Variants in FMNL2 observed in about 807,000 individuals in gnomAD.
FMNL2 encodes formin like 2.
In FMNL2, 51 loss-of-function variants were observed where a neutral mutation model predicts 130.2. That is an observed-to-expected ratio of 0.39 (90% CI 0.31 to 0.49). The LOEUF (loss-of-function observed/expected upper bound fraction) is 0.49, where lower values mean the gene tolerates loss of function less well. Among genes scored for constraint, FMNL2 ranks in the 20% least tolerant of loss-of-function variants. The probability of loss-of-function intolerance (pLI) is 0.85; values close to 1 mark genes in which losing one functional copy is unlikely to be tolerated. For missense variants in FMNL2, 977 were observed against 1,316.2 expected (o/e 0.74, Z 3.99); for synonymous variants, 465 against 467.1 (o/e 1.00, Z 0.06).
rs777395923 is a variant in FMNL2, at chr2:152,581,088, T to C, written c.876+39T>C. The C allele has an allele frequency of 2.6e-6, 4 of 1,553,572 alleles. No individual in the cohort carries two copies. The African/African-American group carries it at 4.1e-5, about 16-fold the overall frequency. On this transcript the variant is annotated intron_variant, in intron 9 of 25. Transcript: ENST00000288670. ...TAGTTTTCATAAGAATACTCACACA[T>C]CTTACATTTGGACATCTTTGAACGG...
intron 9 of FMNL2, among the ~76,000 whole-genome samples, chr2:152,591,238 T>G (rs1697423033): frequency 6.6e-6 from 1 of 152,002 alleles, no homozygotes; most frequent in African/African-American, 2.4e-5. Context: ...CTCGAACTCC[T>G]GACTTCGTGA....
chr2:152,562,892 T>C (rs1695608421), intron 6 of FMNL2, among the ~76,000 whole-genome samples: 1 of 152,242 alleles, frequency 6.6e-6, no homozygotes, highest in Non-Finnish European at 1.5e-5. Flanking sequence ...TACATTTTAA[T>C]TTGGTTTTCT....
At chr2:152,628,857 A>G (rs1358145015) in intron 18 of FMNL2, among the ~76,000 whole-genome samples, 1 of 152,242 alleles carries the variant, frequency 6.6e-6, no homozygotes, top group Admixed American at 6.5e-5. Flanking sequence ...CTCTGAAGAT[A>G]CTAGTCTTCT....
intron 6 of FMNL2, 96 bp downstream of exon 6, chr2:152,561,131 T>C (rs767148761): frequency 1.5e-5 from 19 of 1,294,050 alleles, no homozygotes; most frequent in Non-Finnish European, 2.0e-5. Context: ...ATCTCATAAA[T>C]TGCCATACAG....
At chr2:152,540,038 T>C (rs950796828) in intron 2 of FMNL2, among the ~76,000 whole-genome samples, 2 of 152,168 alleles carry the variant, frequency 1.3e-5, no homozygotes, top group African/African-American at 4.8e-5. Context: ...TGCAGTGAGC[T>C]GTGATTGTGC....
intron 1 of FMNL2, among the ~76,000 whole-genome samples, chr2:152,386,160 A>G (rs1314464047): frequency 6.6e-6 from 1 of 152,208 alleles, no homozygotes; most frequent in Non-Finnish European, 1.5e-5. Flanking sequence ...TTCTCCTAGC[A>G]TACCCTGCTG....
intron 24 of FMNL2, 117 bp from the exon 25 acceptor site, chr2:152,640,670 ATGTG>A: frequency 8.3e-7 from 1 of 1,200,644 alleles, no homozygotes; most frequent in Non-Finnish European, 1.1e-6. Context: ...AGAATGTGGG[ATGTG>A]TGTGTGTTTT....
chr2:152,390,432 A>T (rs769126269), intron 1 of FMNL2: 2 of 1,198,884 alleles, frequency 1.7e-6, no homozygotes, highest in Non-Finnish European at 2.5e-6. Flanking sequence ...CCCTAAGATC[A>T]ATACCAAGAT....
At chr2:152,423,904 C>G (rs1687042349) in intron 1 of FMNL2, among the ~76,000 whole-genome samples, 1 of 152,234 alleles carries the variant, frequency 6.6e-6, no homozygotes, top group Non-Finnish European at 1.5e-5. Context: ...CACCTCCTTC[C>G]TCTTCTTTTG....
intron 1 of FMNL2, among the ~76,000 whole-genome samples, chr2:152,500,141 G>A (rs1433529461): frequency 1.3e-5 from 2 of 152,106 alleles, no homozygotes; most frequent in Non-Finnish European, 2.9e-5. Context: ...GGGGGAATCT[G>A]TGAAGAGAAC....
intron 1 of FMNL2, among the ~76,000 whole-genome samples, chr2:152,462,110 G>A (rs2105131684): frequency 1.3e-5 from 2 of 152,192 alleles, no homozygotes; most frequent in Admixed American, 1.3e-4. Context: ...TAATCCTCCT[G>A]CCTCAACCTC....
At chr2:152,454,578 G>T (rs1485294376) in intron 1 of FMNL2, among the ~76,000 whole-genome samples, 1 of 152,204 alleles carries the variant, frequency 6.6e-6, no homozygotes, top group Non-Finnish European at 1.5e-5. Flanking sequence ...TACTGAAGGA[G>T]TTTTAGAGCC....
chr2:152,610,002 G>A (rs1353188137), intron 10 of FMNL2, among the ~76,000 whole-genome samples: 1 of 152,158 alleles, frequency 6.6e-6, no homozygotes, highest in Admixed American at 6.5e-5. Context: ...ACCAGGGACA[G>A]GTTTTCTCTT....
chr2:152,469,927 A>T (rs1689765228), intron 1 of FMNL2, among the ~76,000 whole-genome samples: 1 of 152,168 alleles, frequency 6.6e-6, no homozygotes, highest in Non-Finnish European at 1.5e-5. Context: ...GTTAACTACC[A>T]TTGGATTTGA....
chr2:152,506,737 G>A (rs1454539661), intron 1 of FMNL2, among the ~76,000 whole-genome samples: 3 of 152,090 alleles, frequency 2.0e-5, no homozygotes, highest in Non-Finnish European at 4.4e-5. Context: ...TAGACCAAAA[G>A]AAAAACCTAA....
At chr2:152,356,943 T>TTAAA (rs146434770) in intron 1 of FMNL2, among the ~76,000 whole-genome samples, 123,972 of 148,068 alleles carry the variant, frequency 0.84, 52,187 homozygotes, top group Admixed American at 0.9. Context: ...ATAATATATA[T>TTAAA]TAAGTAATAT....
intron 1 of FMNL2, among the ~76,000 whole-genome samples, chr2:152,419,109 C>A (rs1686772569): frequency 6.6e-6 from 1 of 151,628 alleles, no homozygotes; most frequent in South Asian, 2.1e-4. Context: ...CATCCTTGAT[C>A]AGTTAATATT....
At chr2:152,370,882 C>T (rs973038669) in intron 1 of FMNL2, among the ~76,000 whole-genome samples, 2 of 152,200 alleles carry the variant, frequency 1.3e-5, no homozygotes, top group African/African-American at 2.4e-5. Context: ...TTGGGTGGTT[C>T]TGCCTTAGGG....
chr2:152,531,980 C>T (rs994318037), intron 2 of FMNL2, among the ~76,000 whole-genome samples: 1 of 152,002 alleles, frequency 6.6e-6, no homozygotes. Flanking sequence ...ACAGTGAAGT[C>T]GTATTAATGG....
Sources: allele counts gnomAD v4.1 joint callset (sites outside exome capture counted in the v4.1 genomes callset), GRCh38; gene constraint gnomAD v4.1.1; transcripts MANE v1.5; gene names NCBI Gene and HGNC (gene_info 2026-07-23, HGNC 2026-07-21).